WWTR1: variants seen among roughly 807,000 people sequenced by gnomAD.
The protein encoded by WWTR1 is WW domain-containing transcription regulator protein 1.
Under a neutral mutation model 40.1 loss-of-function variants are expected in WWTR1, and 13 were observed. The ratio of observed to expected loss-of-function variants is 0.32; its 90% CI spans 0.21 to 0.52. The LOEUF is 0.52. Ranked by LOEUF, WWTR1 falls within the 20% of genes least tolerant of loss-of-function variation. The pLI is 0.97. For missense variants in WWTR1, 436 were observed against 523.1 expected, an observed-to-expected ratio of 0.83 and a Z score of 1.63; for synonymous variants, 230 against 210.1, an observed-to-expected ratio of 1.09 and a Z score of -0.82.
At chr3:149,686,383 G>C (rs1265544170) in intron 1 of WWTR1, among the ~76,000 whole-genome samples, 1 of 152,134 alleles carries the variant, frequency 6.6e-6, no homozygotes, top group East Asian at 1.9e-4. Flanking sequence ...GCTAGGGATG[G>C]TGGCCAGTAG....
At chr3:149,580,237 G>A (rs1738079259) in intron 2 of WWTR1, among the ~76,000 whole-genome samples, 1 of 152,138 alleles carries the variant, frequency 6.6e-6, no homozygotes, top group Admixed American at 6.5e-5. Context: ...ATTTCTTTTA[G>A]TAGTACCTTT....
intron 3 of WWTR1, among the ~76,000 whole-genome samples, chr3:149,570,639 A>G (rs75507760): frequency 0.014 from 2,160 of 151,832 alleles, 53 homozygotes; most frequent in African/African-American, 0.05. Context: ...CTGGAAACTA[A>G]GGTATTTTAC....
At chr3:149,694,430 C>T (rs998309397) in intron 1 of WWTR1, among the ~76,000 whole-genome samples, 1 of 151,710 alleles carries the variant, frequency 6.6e-6, no homozygotes, top group Non-Finnish European at 1.5e-5. Context: ...CAAACAACAA[C>T]AAAAAAACAA....
intron 2 of WWTR1, among the ~76,000 whole-genome samples, chr3:149,598,233 A>G (rs1173023203): frequency 1.3e-5 from 2 of 152,262 alleles, no homozygotes; most frequent in African/African-American, 2.4e-5. Context: ...GCCAAAGTCA[A>G]GAATACAACT....
At chr3:149,673,180 A>G (rs1308100081) in intron 1 of WWTR1, among the ~76,000 whole-genome samples, 1 of 152,176 alleles carries the variant, frequency 6.6e-6, no homozygotes, top group Non-Finnish European at 1.5e-5. Context: ...GTTTGAGGCC[A>G]GTCTGGGCAA....
intron 1 of WWTR1, among the ~76,000 whole-genome samples, chr3:149,699,026 T>C (rs1022850594): frequency 3.3e-5 from 5 of 152,220 alleles, no homozygotes; most frequent in Non-Finnish European, 7.4e-5. Flanking sequence ...TTGGCTCCCA[T>C]TTAGTCATGC....
At chr3:149,533,830 T>C (rs570481687) in intron 4 of WWTR1, among the ~76,000 whole-genome samples, 54 of 152,034 alleles carry the variant, frequency 3.6e-4, no homozygotes, top group Non-Finnish European at 7.2e-4. Flanking sequence ...GTACTTATAA[T>C]GGACCTGGCA....
intron 2 of WWTR1, among the ~76,000 whole-genome samples, chr3:149,591,415 T>C (rs1471298883): frequency 1.3e-5 from 2 of 152,214 alleles, no homozygotes; most frequent in Non-Finnish European, 1.5e-5. Context: ...ATATTGCCTT[T>C]AGTTTTTATT....
At chr3:149,568,876 C>A (rs1018998330) in intron 3 of WWTR1, among the ~76,000 whole-genome samples, 4 of 152,228 alleles carry the variant, frequency 2.6e-5, no homozygotes, top group Non-Finnish European at 5.9e-5. Flanking sequence ...ACGCCATTCT[C>A]CTGCCTCAGC....
intron 4 of WWTR1, among the ~76,000 whole-genome samples, chr3:149,531,720 T>C (rs1167197517): frequency 6.6e-6 from 1 of 152,166 alleles, no homozygotes; most frequent in Non-Finnish European, 1.5e-5. Flanking sequence ...TCATTTTCTG[T>C]CTCTTAATCT....
intron 5 of WWTR1, among the ~76,000 whole-genome samples, chr3:149,708,297 G>T (rs1200714754): frequency 6.6e-5 from 10 of 152,036 alleles, no homozygotes; most frequent in Admixed American, 3.3e-4. Flanking sequence ...TTGTTTGCTT[G>T]CTGGTTTTTT....
At chr3:149,560,665 T>C (rs1469397149) in intron 3 of WWTR1, among the ~76,000 whole-genome samples, 7 of 152,196 alleles carry the variant, frequency 4.6e-5, no homozygotes, top group African/African-American at 1.2e-4. Context: ...ACTTTCTTTC[T>C]TTCCAGCGCT....
At chr3:149,709,072 C>T (rs1317022713) in intron 5 of WWTR1, among the ~76,000 whole-genome samples, 2 of 152,084 alleles carry the variant, frequency 1.3e-5, no homozygotes, top group Non-Finnish European at 2.9e-5. Context: ...GCCTCCCGGG[C>T]TCAAGCGATC....
chr3:149,715,251 A>C (rs1335873631), intron 5 of WWTR1, among the ~76,000 whole-genome samples: 1 of 152,166 alleles, frequency 6.6e-6, no homozygotes, highest in Non-Finnish European at 1.5e-5. Context: ...CCCTTCAGGG[A>C]GCCCAGACCT....
intron 6 of WWTR1, among the ~76,000 whole-genome samples, chr3:149,521,574 C>G (rs1735047395): frequency 6.6e-6 from 1 of 152,138 alleles, no homozygotes; most frequent in Non-Finnish European, 1.5e-5. Flanking sequence ...GGCTTTAAGT[C>G]TTAGAGTAAA....
chr3:149,527,996 C>T (rs763827893), intron 4 of WWTR1, 27 bp from the exon 5 acceptor site: 2 of 1,602,434 alleles, frequency 1.2e-6, no homozygotes, highest in Admixed American at 1.7e-5. Flanking sequence ...AAGCAAGAGT[C>T]ATGCACTCAT....
chr3:149,632,815 A>G (rs1711608317), intron 2 of WWTR1, among the ~76,000 whole-genome samples: 1 of 152,258 alleles, frequency 6.6e-6, no homozygotes, highest in Non-Finnish European at 1.5e-5. Flanking sequence ...ACTACATATC[A>G]TATGATTCAA....
At chr3:149,648,258 C>T (rs1239427915) in intron 2 of WWTR1, among the ~76,000 whole-genome samples, 5 of 152,112 alleles carry the variant, frequency 3.3e-5, no homozygotes, top group South Asian at 2.1e-4. Context: ...AAGACTCCTA[C>T]GAATTCCAGG....
Position 149,620,066 on chromosome 3 carries a change from T to C in WWTR1, c.431+36810A>G, listed in dbSNP as rs75049333. On this transcript the variant is annotated intron_variant, in intron 2 of 6. Transcript: ENST00000360632. ...TGGGCTCCATCTTATAGCACTCTTA[T>C]AGAAAAACGCTTTCTTAAATCCTAG... Among the ~76,000 whole-genome samples, 609 of 152,292 alleles carry C rather than the reference T, an allele frequency of 4.0e-3. 7 individuals carry two copies. Among genetic ancestry groups the C allele is most frequent in the African/African-American group, 0.014 (567 of 41,550 alleles).
Sources: allele counts gnomAD v4.1 joint callset (sites outside exome capture counted in the v4.1 genomes callset), GRCh38; gene constraint gnomAD v4.1.1; transcripts MANE v1.5; gene names NCBI Gene and HGNC (gene_info 2026-07-23, HGNC 2026-07-21).